The following AFDN variants were observed in gnomAD, a reference collection of about 807,000 sequenced individuals.
AFDN encodes afadin.
In AFDN, 68 loss-of-function variants were observed where a neutral mutation model predicts 216.6. The observed-to-expected ratio is 0.31, with a 90% confidence interval of 0.26 to 0.38. AFDN has a LOEUF of 0.38. Ranked by LOEUF, AFDN falls within the 10% of genes least tolerant of loss-of-function variation. The pLI is 1.00. For synonymous variants in AFDN, 868 were observed against 853.7 expected, an observed-to-expected ratio of 1.02 and a Z score of -0.29; for missense variants, 2,136 against 2,342.0, an observed-to-expected ratio of 0.91 and a Z score of 1.82.
rs376213779 is a variant in AFDN at position 167,890,875 on chromosome 6, T to G, written c.1023T>G (p.Phe341Leu). The G allele has an allele frequency of 6.2e-7, 1 of 1,613,004 alleles. No individual in the cohort carries two copies. The highest frequency in any genetic ancestry group is 1.3e-5 in the African/African-American group (1 of 74,820). ...CTGCTGTTCTAGGGATTTTAGTCTT[T>G]CAGTTGAAGAGGAGGCCACCAGACC... ...EWPSDKGILV[F>L]QLKRRPPDHI... is the part of the protein sequence containing the mutation. Residue 341 changes from phenylalanine to leucine, a missense_variant, in exon 8 of 34, where the codon TTT (phenylalanine) becomes TTG (leucine). Phe to Leu is a conservative substitution (Grantham distance 22, BLOSUM62 0). Around this residue, in one of 8 missense-constraint regions of AFDN, gnomAD observed 817 missense variants for 965.7 expected, o/e 0.85. Transcript: ENST00000683244.
intron 11 of AFDN, among the ~76,000 whole-genome samples, chr6:167,899,472 T>C (rs1788674853): frequency 6.6e-6 from 1 of 152,210 alleles, no homozygotes; most frequent in Non-Finnish European, 1.5e-5. Flanking sequence ...TTCACAGCTT[T>C]TAACTGTTTC....
chr6:167,947,835 C>A lies in AFDN; in HGVS notation c.3554-18C>A. ...TATTTAATATTACACTTTTTTTTTTCCCCCCTGACTTGAGCAGATCAGCCT... is the reference window on the plus strand; with the variant it reads ...TATTTAATATTACACTTTTTTTTTTACCCCCTGACTTGAGCAGATCAGCCT... On this transcript the variant is annotated intron_variant, in intron 27 of 33. Transcript: ENST00000683244. 1 of 1,371,254 alleles carries A rather than the reference C, an allele frequency of 7.3e-7. No individual in the cohort carries two copies. The highest frequency in any genetic ancestry group is 1.0e-6 in the Non-Finnish European group (1 of 993,972). 84.9% of individuals were successfully genotyped at this position (1,371,254 alleles called of 1,614,324 possible).
intron 26 of AFDN, among the ~76,000 whole-genome samples, chr6:167,944,781 T>TAA (rs900150174): frequency 7.0e-6 from 1 of 143,094 alleles, no homozygotes. Flanking sequence ...AAACTACAGT[T>TAA]AAAAAAAAAA....
intron 23 of AFDN, among the ~76,000 whole-genome samples, chr6:167,929,806 ACTTTGTT>A (rs1793058487): frequency 6.6e-6 from 1 of 152,110 alleles, no homozygotes; most frequent in Non-Finnish European, 1.5e-5. Flanking sequence ...GATGATGTTC[ACTTTGTT>A]CTTGTTTTTG....
Position 167,947,833 on chromosome 6 carries a change from TTC to T in AFDN, c.3554-19_3554-18del, listed in dbSNP as rs1491345940. On this transcript the variant is annotated intron_variant, in intron 27 of 33. Transcript: ENST00000683244. ...TTTATTTAATATTACACTTTTTTTT[TTC>T]CCCCCTGACTTGAGCAGATCAGCCT... The T allele has an allele frequency of 4.1e-5, 63 of 1,538,824 alleles. No individual in the cohort carries two copies. The highest frequency in any genetic ancestry group is 1.1e-4 in the African/African-American group (8 of 72,114).
chr6:167,863,452 T>A (rs548889418), intron 1 of AFDN, among the ~76,000 whole-genome samples: 2 of 152,322 alleles, frequency 1.3e-5, no homozygotes, highest in Admixed American at 6.5e-5. Flanking sequence ...TGGTTTGACT[T>A]TTGAGAACAT....
chr6:167,867,432 C>CTT (rs766749834), intron 2 of AFDN, among the ~76,000 whole-genome samples: 23 of 137,192 alleles, frequency 1.7e-4, no homozygotes, highest in African/African-American at 3.7e-4. Context: ...TTTTTCTTTT[C>CTT]TTTTTTTTTT....
intron 31 of AFDN, among the ~76,000 whole-genome samples, chr6:167,965,264 TG>T (rs1797428022): frequency 6.6e-6 from 1 of 152,064 alleles, no homozygotes; most frequent in Admixed American, 6.5e-5. Flanking sequence ...TCTGCATTCA[TG>T]GGGGCTCAGT....
chr6:167,844,493 T>C (rs1384442371), intron 1 of AFDN, among the ~76,000 whole-genome samples: 1 of 152,238 alleles, frequency 6.6e-6, no homozygotes, highest in Non-Finnish European at 1.5e-5. Context: ...AATCATTTTC[T>C]TAACTATTAA....
At position 167,966,112 on chromosome 6, in the gene AFDN, G is replaced by A. The variant is rs572327735; in HGVS notation, c.5257+67G>A. On this transcript the variant is annotated intron_variant, in intron 32 of 33. Coordinates refer to ENST00000683244, the MANE Select transcript of AFDN (RefSeq NM_001386888.1). Reference sequence around the variant, plus strand: ...CTTCTTCCTGCCCCTCTTAAACCACGGCCACCCCCCTGCCAGCCACGCCCG... The same window carrying A: ...CTTCTTCCTGCCCCTCTTAAACCACAGCCACCCCCCTGCCAGCCACGCCCG... 1.3e-3 allele frequency: 2,062 copies of A among 1,536,104 alleles called. 40 individuals carry two copies. In the South Asian group the frequency reaches 0.022, roughly 16 times the overall value.
intron 1 of AFDN, among the ~76,000 whole-genome samples, chr6:167,835,048 T>G (rs1454316399): frequency 6.6e-6 from 1 of 152,206 alleles, no homozygotes; most frequent in Non-Finnish European, 1.5e-5. Flanking sequence ...CGTGTGATTT[T>G]CTTCCCTCTT....
intron 31 of AFDN, chr6:167,964,562 T>A: frequency 9.4e-7 from 1 of 1,066,014 alleles, no homozygotes; most frequent in Non-Finnish European, 1.1e-6. Context: ...TGGCATTTAT[T>A]CTTAAGAGTT....
rs1795328033 is a variant in AFDN at position 167,946,893 on chromosome 6, A to T, written c.3545A>T (p.Asn1182Ile). The T allele has an allele frequency of 6.2e-7, 1 of 1,610,546 alleles. No individual in the cohort carries two copies. The highest frequency in any genetic ancestry group is 1.7e-5 in the Admixed American group (1 of 59,014). ...KNRADHRSSP[N>I]VANQPPSPGG... Reference sequence around the variant, plus strand: ...AGAGCTGATCACCGTTCCAGCCCCAACGTAGCAAGTAAGAGTGACACTTTT... The same window carrying T: ...AGAGCTGATCACCGTTCCAGCCCCATCGTAGCAAGTAAGAGTGACACTTTT... The change falls in exon 27 of 34, where the codon AAC becomes ATC. Residue 1182 changes from asparagine to isoleucine, a missense_variant. Around this residue, in one of 8 missense-constraint regions of AFDN, gnomAD observed 981 missense variants for 966.0 expected, o/e 1.02. Coordinates refer to ENST00000683244, the MANE Select transcript of AFDN (RefSeq NM_001386888.1).
intron 1 of AFDN, among the ~76,000 whole-genome samples, chr6:167,859,875 A>G (rs1225311596): frequency 6.6e-6 from 1 of 151,790 alleles, no homozygotes; most frequent in South Asian, 2.1e-4. Context: ...TTTCTGTTTC[A>G]GTAATCATTG....
Position 167,967,908 on chromosome 6 carries a change from TG to T in AFDN, c.5258-1204del, listed in dbSNP as rs532598767. On this transcript the variant is annotated intron_variant, in intron 32 of 33. Coordinates refer to ENST00000683244, the MANE Select transcript of AFDN (RefSeq NM_001386888.1). ...TGCAGATGGACTGGGCTTCTTCCAC[TG>T]GACAGTGAGAGGAGCAGCATTAGGA... Among the ~76,000 whole-genome samples, 687 of 152,282 alleles carry T rather than the reference TG, an allele frequency of 4.5e-3. 5 individuals carry two copies. The highest frequency in any genetic ancestry group is 0.021 in the Admixed American group (320 of 15,306).
At position 167,869,359 on chromosome 6, in the gene AFDN, T is replaced by A. The variant is rs571286924; in HGVS notation, c.302-1027T>A. On this transcript the variant is annotated intron_variant, in intron 2 of 33. Transcript: ENST00000683244. Reference sequence around the variant, plus strand: ...GAAAGAGGCATTTCTAAAAAAAAACTAAAATTCTGCCAAATTGTACACTAA... The same window carrying A: ...GAAAGAGGCATTTCTAAAAAAAAACAAAAATTCTGCCAAATTGTACACTAA... 2.6e-5 allele frequency among the ~76,000 whole-genome samples: 4 copies of A among 152,224 alleles called. No homozygotes were observed. In the South Asian group the frequency reaches 8.3e-4, roughly 32 times the overall value.
At chr6:167,946,024 A>C (rs1031814937) in intron 26 of AFDN, among the ~76,000 whole-genome samples, 6 of 152,362 alleles carry the variant, frequency 3.9e-5, no homozygotes, top group Non-Finnish European at 7.3e-5. Context: ...CAGCCAAGGC[A>C]TCAGAGAACG....
intron 1 of AFDN, among the ~76,000 whole-genome samples, chr6:167,853,049 C>T (rs566992852): frequency 2.0e-5 from 3 of 152,150 alleles, no homozygotes; most frequent in South Asian, 2.1e-4. Context: ...TAAGAGACTA[C>T]AGTCTAAGTG....
chr6:167,866,426 T>C (rs942767444), intron 2 of AFDN, among the ~76,000 whole-genome samples: 1 of 152,176 alleles, frequency 6.6e-6, no homozygotes, highest in Non-Finnish European at 1.5e-5. Context: ...TCTCAGTCAT[T>C]TTTTAATAAT....
Sources: gnomAD v4.1 joint callset for allele counts (sites outside exome capture counted in the v4.1 genomes callset) on GRCh38, gnomAD v4.1.1 for gene constraint, gnomAD v4.1.1 regional missense constraint, MANE v1.5 for transcripts, NCBI Gene and HGNC (gene_info 2026-07-23, HGNC 2026-07-21) for gene names.